Variants in PDE7B observed in about 807,000 individuals in gnomAD.
The protein encoded by PDE7B is 3',5'-cyclic-AMP phosphodiesterase 7B.
A neutral mutation model predicts 56.2 loss-of-function variants in PDE7B; 29 were observed. The observed-to-expected ratio is 0.52, with a 90% CI of 0.38 to 0.70. The LOEUF (loss-of-function observed/expected upper bound fraction) is 0.70, where lower values mean the gene tolerates loss of function less well. Among genes scored for constraint, PDE7B ranks in the 30% least tolerant of loss-of-function variants. The pLI is 0.00. For missense variants in PDE7B, 490 were observed against 565.0 expected, an observed-to-expected ratio of 0.87 and a Z score of 1.35; for synonymous variants, 197 against 196.9, an observed-to-expected ratio of 1.00 and a Z score of 0.00.
chr6:136,060,134 T>C (rs1183255669), intron 2 of PDE7B, among the ~76,000 whole-genome samples: 2 of 152,236 alleles, frequency 1.3e-5, no homozygotes, highest in Non-Finnish European at 2.9e-5. Context: ...TTTATAAAAA[T>C]GAATAGCTAA....
At chr6:135,871,652 C>A (rs1775382443) in intron 1 of PDE7B, among the ~76,000 whole-genome samples, 1 of 152,152 alleles carries the variant, frequency 6.6e-6, no homozygotes, top group South Asian at 2.1e-4. Flanking sequence ...CTACTCTTAG[C>A]TTTGACAGCT....
intron 12 of PDE7B, among the ~76,000 whole-genome samples, chr6:136,191,023 T>TTTTTTTTTTTTTTTTC (rs1779214570): frequency 6.8e-6 from 1 of 147,542 alleles, no homozygotes; most frequent in East Asian, 2.0e-4. Context: ...CTTTTTTTTT[T>TTTTTTTTTTTTTTTTC]TTTTTTTTTT....
rs1252621367 is a variant in PDE7B at position 136,108,749 on chromosome 6, G to T, written c.101G>T (p.Gly34Val). Reference protein sequence around the residue: ...VCMLGDIRLRGQTGVRAERRG... With the variant: ...VCMLGDIRLRVQTGVRAERRG... ...TTTCTAGGAGATATACGACTAAGGG[G>T]TCAGACGGGGGTTCGTGCTGAACGC... is the stretch of plus-strand genomic sequence containing the variant. The change falls in exon 3 of 13, where the codon GGT (glycine) becomes GTT (valine). Residue 34 changes from glycine to valine, a missense_variant. Physicochemically the swap from Gly to Val is moderately radical, Grantham distance 109. Coordinates refer to ENST00000308191, the MANE Select transcript of PDE7B (RefSeq NM_018945.4). 1 of 1,610,244 alleles carries T rather than the reference G, an allele frequency of 6.2e-7. No individual in the cohort carries two copies. The highest frequency in any genetic ancestry group is 1.1e-5 in the South Asian group (1 of 90,992).
intron 2 of PDE7B, among the ~76,000 whole-genome samples, chr6:136,031,726 G>A (rs1345073240): frequency 4.0e-5 from 5 of 123,952 alleles, no homozygotes; most frequent in Admixed American, 1.9e-4. Context: ...GCGACAGAGC[G>A]AGACTCCGTC....
intron 1 of PDE7B, among the ~76,000 whole-genome samples, chr6:135,914,908 C>T (rs969398389): frequency 3.5e-4 from 53 of 151,760 alleles, no homozygotes; most frequent in Non-Finnish European, 4.4e-5. Context: ...GCCTGACCAA[C>T]ATGGTGAAAG....
At chr6:135,888,057 G>A (rs1775740190) in intron 1 of PDE7B, among the ~76,000 whole-genome samples, 1 of 151,946 alleles carries the variant, frequency 6.6e-6, no homozygotes. Context: ...TCCAACTATA[G>A]TACTATTGGC....
intron 2 of PDE7B, among the ~76,000 whole-genome samples, chr6:136,039,719 T>C (rs1776384192): frequency 6.6e-6 from 1 of 152,102 alleles, no homozygotes; most frequent in Non-Finnish European, 1.5e-5. Context: ...CGAATAAAAC[T>C]GAGGTTTATG....
rs547341271 is a variant in PDE7B, at chr6:135,887,777, G to A, written c.21+35758G>A. Among the ~76,000 whole-genome samples, 7 of 152,244 alleles carry A rather than the reference G, an allele frequency of 4.6e-5. No homozygotes were observed. In the South Asian group the frequency reaches 1.5e-3, roughly 32 times the overall value. On this transcript the variant is annotated intron_variant, in intron 1 of 12. Coordinates refer to ENST00000308191, the MANE Select transcript of PDE7B (RefSeq NM_018945.4). ...GTCTAAATAAGCATAATTTGTGGCAGTTACCTTGGTGTTGTCAAATCTAAA... is the reference window on the plus strand; with the variant it reads ...GTCTAAATAAGCATAATTTGTGGCAATTACCTTGGTGTTGTCAAATCTAAA...
intron 2 of PDE7B, among the ~76,000 whole-genome samples, chr6:136,029,547 G>A (rs1264186534): frequency 1.3e-5 from 2 of 152,114 alleles, no homozygotes; most frequent in Admixed American, 1.3e-4. Context: ...CACAAAATAG[G>A]TCCAGGAAGA....
At position 135,851,858 on chromosome 6, in the gene PDE7B, C is replaced by CTTTTTTTTTT. The variant is rs60347338; in HGVS notation, c.-137_-128dup. On this transcript the variant is annotated 5_prime_UTR_variant, in exon 1 of 13. Transcript: ENST00000308191. The stretch of plus-strand genomic sequence containing the variant: ...TTCTTTATTTCTTTTCCTTTTTTTT[C>CTTTTTTTTTT]TTTTTTTTTTTTTGTTACTTAATTA... 7.9e-6 allele frequency: 4 copies of CTTTTTTTTTT among 508,984 alleles called. No individual in the cohort carries two copies. The highest frequency in any genetic ancestry group is 6.2e-5 in the African/African-American group (3 of 48,384). 31.5% of individuals were successfully genotyped at this position (508,984 alleles called of 1,614,324 possible).
At chr6:136,014,939 C>T (rs769018442) in intron 2 of PDE7B, among the ~76,000 whole-genome samples, 1 of 152,176 alleles carries the variant, frequency 6.6e-6, no homozygotes, top group Non-Finnish European at 1.5e-5. Context: ...TGCCTGAAAG[C>T]TTAAATACCC....
intron 2 of PDE7B, among the ~76,000 whole-genome samples, chr6:136,005,173 C>T (rs922037321): frequency 6.6e-6 from 1 of 152,136 alleles, no homozygotes; most frequent in African/African-American, 2.4e-5. Flanking sequence ...GAAACTGGAT[C>T]CCTTCCTTAC....
intron 2 of PDE7B, among the ~76,000 whole-genome samples, chr6:135,976,550 A>G (rs1176883643): frequency 1.3e-5 from 2 of 152,214 alleles, no homozygotes; most frequent in Non-Finnish European, 2.9e-5. Context: ...TTAGGTCTTT[A>G]GAATTCATTT....
intron 2 of PDE7B, among the ~76,000 whole-genome samples, chr6:136,081,631 TC>T (rs1777207636): frequency 6.6e-6 from 1 of 152,208 alleles, no homozygotes; most frequent in African/African-American, 2.4e-5. Context: ...CTTTGCTGAC[TC>T]TTTCAAAACA....
At chr6:136,150,738 C>CTA (rs1211292440) in intron 5 of PDE7B, among the ~76,000 whole-genome samples, 2 of 152,060 alleles carry the variant, frequency 1.3e-5, no homozygotes, top group Non-Finnish European at 2.9e-5. Flanking sequence ...TAGGCTGTGA[C>CTA]TATCAAGCAA....
intron 3 of PDE7B, among the ~76,000 whole-genome samples, chr6:136,114,501 C>T (rs922549578): frequency 6.6e-6 from 1 of 152,094 alleles, no homozygotes; most frequent in Non-Finnish European, 1.5e-5. Flanking sequence ...AAGTGATAGC[C>T]CCATCTTAAA....
chr6:136,075,999 C>G (rs187224557), intron 2 of PDE7B, among the ~76,000 whole-genome samples: 9 of 152,158 alleles, frequency 5.9e-5, no homozygotes, highest in Non-Finnish European at 1.2e-4. Flanking sequence ...TACCCCAAAG[C>G]CTTTGATAGA....
At chr6:135,911,921 A>G (rs925958662) in intron 1 of PDE7B, among the ~76,000 whole-genome samples, 7 of 152,228 alleles carry the variant, frequency 4.6e-5, no homozygotes, top group African/African-American at 1.7e-4. Flanking sequence ...TTTGTAGTAT[A>G]CATAATATTT....
chr6:136,125,336 G>A (rs1778004910), intron 3 of PDE7B, among the ~76,000 whole-genome samples: 1 of 152,140 alleles, frequency 6.6e-6, no homozygotes, highest in African/African-American at 2.4e-5. Context: ...CACTGTGGGA[G>A]GCCAAGGCAG....
Sources: gnomAD v4.1 joint callset for allele counts (sites outside exome capture counted in the v4.1 genomes callset) on GRCh38, gnomAD v4.1.1 for gene constraint, MANE v1.5 for transcripts, NCBI Gene and HGNC (gene_info 2026-07-23, HGNC 2026-07-21) for gene names.